Variants in BMPR1A observed in about 807,000 individuals in gnomAD.
The protein encoded by BMPR1A is bone morphogenetic protein receptor type-1A.
Under a neutral mutation model 66.0 loss-of-function variants are expected in BMPR1A, and 7 were observed. That is an observed-to-expected ratio of 0.11 (90% CI 0.06 to 0.20). BMPR1A has a LOEUF of 0.20. BMPR1A is among the 10% of genes least tolerant of loss of function. The probability of loss-of-function intolerance (pLI) is 1.00; values close to 1 mark genes in which losing one functional copy is unlikely to be tolerated. For synonymous variants in BMPR1A, 200 were observed against 229.7 expected, an observed-to-expected ratio of 0.87 and a Z score of 1.17; for missense variants, 408 against 669.1, an observed-to-expected ratio of 0.61 and a Z score of 4.31.
downstream of BMPR1A, chr10:86,930,155 G>C (rs1423082908): frequency 6.6e-6 from 1 of 152,292 alleles, no homozygotes; most frequent in Admixed American, 6.5e-5. Context: ...GCTGGTATAA[G>C]CAGAAGTGGG....
intron 1 of BMPR1A, among the ~76,000 whole-genome samples, chr10:86,826,150 A>G (rs557839096): frequency 6.6e-6 from 1 of 152,144 alleles, no homozygotes; most frequent in South Asian, 2.1e-4. Flanking sequence ...ACATCTTGAC[A>G]TTTAACTTCT....
At chr10:86,826,659 A>T (rs1299013807) in intron 1 of BMPR1A, among the ~76,000 whole-genome samples, 1 of 152,132 alleles carries the variant, frequency 6.6e-6, no homozygotes, top group Non-Finnish European at 1.5e-5. Context: ...TTAATTTTCC[A>T]TTATATTACA....
intron 1 of BMPR1A, among the ~76,000 whole-genome samples, chr10:86,820,644 A>T (rs935327688): frequency 6.6e-6 from 1 of 152,148 alleles, no homozygotes; most frequent in African/African-American, 2.4e-5. Context: ...TTCCCTTGAT[A>T]CTGCCATTAC....
chr10:86,836,033 A>G (rs569644090), intron 1 of BMPR1A, among the ~76,000 whole-genome samples: 1 of 152,160 alleles, frequency 6.6e-6, no homozygotes, highest in Non-Finnish European at 1.5e-5. Flanking sequence ...CTTCTTTTTA[A>G]TGTGTTTTCT....
chr10:86,851,710 G>A (rs1449075343), intron 2 of BMPR1A, among the ~76,000 whole-genome samples: 1 of 152,198 alleles, frequency 6.6e-6, no homozygotes. Flanking sequence ...CAAAAGCTGT[G>A]CAGAGTAATG....
chr10:86,791,252 TC>T (rs1841614200), intron 1 of BMPR1A, among the ~76,000 whole-genome samples: 4 of 151,560 alleles, frequency 2.6e-5, no homozygotes, highest in Admixed American at 2.0e-4. Context: ...TCGCTCTGTT[TC>T]CCAGGCTGGA....
At chr10:86,767,317 T>C (rs1487422474) in intron 1 of BMPR1A, among the ~76,000 whole-genome samples, 2 of 152,342 alleles carry the variant, frequency 1.3e-5, no homozygotes, top group African/African-American at 4.8e-5. Flanking sequence ...ATGCATGCTT[T>C]GTACAAAGTA....
intron 1 of BMPR1A, among the ~76,000 whole-genome samples, chr10:86,835,048 A>T (rs970245792): frequency 6.6e-6 from 1 of 152,004 alleles, no homozygotes; most frequent in Non-Finnish European, 1.5e-5. Flanking sequence ...TAAGAATTCC[A>T]TTACATCTTG....
chr10:86,893,225 GT>G (rs1323120909), intron 5 of BMPR1A, among the ~76,000 whole-genome samples: 1 of 152,004 alleles, frequency 6.6e-6, no homozygotes, highest in Non-Finnish European at 1.5e-5. Flanking sequence ...AAACTCTAGG[GT>G]AACCACTAAA....
chr10:86,888,361 G>A (rs752737104), intron 3 of BMPR1A, among the ~76,000 whole-genome samples: 6 of 151,924 alleles, frequency 3.9e-5, no homozygotes, highest in Non-Finnish European at 7.4e-5. Context: ...CCAGCTACTC[G>A]GGAGTCTGAG....
At chr10:86,884,905 G>A (rs879889390) in intron 3 of BMPR1A, among the ~76,000 whole-genome samples, 3 of 152,116 alleles carry the variant, frequency 2.0e-5, no homozygotes, top group Non-Finnish European at 2.9e-5. Context: ...GATTTATGCA[G>A]TTTTTATGTT....
At chr10:86,855,730 G>C (rs1346160739) in intron 2 of BMPR1A, 1 of 862,904 alleles carries the variant, frequency 1.2e-6, no homozygotes, top group Middle Eastern at 2.8e-4. Context: ...CATTAGCTTT[G>C]AGACCAGCTT....
At chr10:86,836,761 C>A (rs1313603665) in intron 1 of BMPR1A, among the ~76,000 whole-genome samples, 1 of 151,982 alleles carries the variant, frequency 6.6e-6, no homozygotes, top group Non-Finnish European at 1.5e-5. Context: ...GGCAAAACCC[C>A]ATGTCTACAA....
chr10:86,843,558 A>G (rs534731804), intron 2 of BMPR1A: 3 of 152,368 alleles, frequency 2.0e-5, no homozygotes, highest in East Asian at 3.9e-4. Flanking sequence ...TTGCCATGCA[A>G]AAGTGAGGAA....
Position 86,900,139 on chromosome 10 carries a change from T to G in BMPR1A, c.530+13T>G, listed in dbSNP as rs367550999. ...GCTTTTGTTACAAGTAAGAAGATAT[T>G]TATTTTGAAGCAAAATATTTTGTCA... is the stretch of plus-strand genomic sequence containing the variant. On this transcript the variant is annotated intron_variant, in intron 7 of 12. Coordinates refer to ENST00000372037, the MANE Select transcript of BMPR1A (RefSeq NM_004329.3). 555 of 1,611,692 alleles carry G rather than the reference T, an allele frequency of 3.4e-4. 1 individual carries two copies. Among genetic ancestry groups the G allele is most frequent in the Non-Finnish European group, 4.6e-4 (545 of 1,179,332 alleles).
chr10:86,806,244 T>G (rs1268167200), intron 1 of BMPR1A, among the ~76,000 whole-genome samples: 1 of 152,160 alleles, frequency 6.6e-6, no homozygotes, highest in African/African-American at 2.4e-5. Flanking sequence ...GGTCAAGGTG[T>G]TTTCCAGTTT....
At chr10:86,793,627 G>A (rs1479425708) in intron 1 of BMPR1A, among the ~76,000 whole-genome samples, 1 of 152,110 alleles carries the variant, frequency 6.6e-6, no homozygotes, top group Non-Finnish European at 1.5e-5. Context: ...TGGGATTACA[G>A]GTGAGCCACT....
At chr10:86,913,615 A>T (rs1224812444) in intron 8 of BMPR1A, among the ~76,000 whole-genome samples, 6 of 152,166 alleles carry the variant, frequency 3.9e-5, no homozygotes, top group African/African-American at 1.4e-4. Flanking sequence ...TTGTACAAAT[A>T]CCATTGAATT....
At chr10:86,832,839 G>C (rs1842291094) in intron 1 of BMPR1A, among the ~76,000 whole-genome samples, 1 of 152,170 alleles carries the variant, frequency 6.6e-6, no homozygotes. Context: ...ATTGTTTCCA[G>C]TTTTTGGTTA....
Sources: allele counts gnomAD v4.1 joint callset (sites outside exome capture counted in the v4.1 genomes callset), GRCh38; gene constraint gnomAD v4.1.1; transcripts MANE v1.5; gene names NCBI Gene and HGNC (gene_info 2026-07-23, HGNC 2026-07-21).